The following IL23R variants were observed in gnomAD, a reference collection of about 807,000 sequenced individuals.
The protein encoded by IL23R is interleukin-23 receptor.
IL23R carries 34 observed loss-of-function variants against 56.9 expected under a neutral mutation model. The observed-to-expected ratio is 0.60, with a 90% CI of 0.45 to 0.80. IL23R has a LOEUF of 0.80. Among genes scored for constraint, IL23R ranks in the 30% least tolerant of loss-of-function variants. The pLI is 0.00. For synonymous variants in IL23R, 230 were observed against 249.2 expected (o/e 0.92, Z 0.73); for missense variants, 635 against 730.0 (o/e 0.87, Z 1.50).
intron 4 of IL23R, among the ~76,000 whole-genome samples, chr1:67,199,885 G>C (rs762348280): frequency 6.6e-6 from 1 of 152,024 alleles, no homozygotes; most frequent in Admixed American, 6.5e-5. Flanking sequence ...TAAAAAGTTA[G>C]CGTTTTTGTC....
In IL23R at chr1:67,228,096, TTC is replaced by T. The variant is rs1385409801; in HGVS notation, c.955+8368_955+8369del. On this transcript the variant is annotated intron_variant, in intron 7 of 10. Transcript: ENST00000347310. ...CTCTTTCTTTCTTTTCTTTCTTTCTTTCTTTCTTTCTCTCTCTTTCTTTCTTT... is the reference window on the plus strand; with the variant it reads ...CTCTTTCTTTCTTTTCTTTCTTTCTTTTTCTTTCTCTCTCTTTCTTTCTTT... 3.0e-5 allele frequency among the ~76,000 whole-genome samples: 2 copies of T among 66,010 alleles called. 1 individual carries two copies. The highest frequency in any genetic ancestry group is 6.3e-5 in the Non-Finnish European group (2 of 31,784). The allele number at this position is 66,010 out of a possible 152,430, so 43.3% of individuals were successfully genotyped here. A position where few individuals can be genotyped will look rare whatever the true frequency, so the allele number is the denominator to read the frequency against.
chr1:67,195,683 C>T (rs1343378437), intron 4 of IL23R, among the ~76,000 whole-genome samples: 1 of 152,122 alleles, frequency 6.6e-6, no homozygotes, highest in African/African-American at 2.4e-5. Context: ...AACCGAAAAA[C>T]CTGAGCTGAA....
At chr1:67,202,956 A>G (rs1414637136) in intron 5 of IL23R, among the ~76,000 whole-genome samples, 1 of 152,206 alleles carries the variant, frequency 6.6e-6, no homozygotes, top group Admixed American at 6.5e-5. Context: ...TTGGAGTTAC[A>G]GTTCTCTTGA....
chr1:67,192,907 C>T (rs530242527), intron 4 of IL23R, among the ~76,000 whole-genome samples: 44 of 152,280 alleles, frequency 2.9e-4, no homozygotes, highest in African/African-American at 1.1e-3. Context: ...TTTTCACATG[C>T]ACCTCAGGCC....
At chr1:67,203,467 T>G (rs1258840862) in intron 5 of IL23R, among the ~76,000 whole-genome samples, 1 of 152,026 alleles carries the variant, frequency 6.6e-6, no homozygotes, top group African/African-American at 2.4e-5. Context: ...TTCCTTCTTC[T>G]CCTTCTTTCT....
intron 3 of IL23R, among the ~76,000 whole-genome samples, chr1:67,177,406 T>G (rs1339051098): frequency 1.3e-5 from 2 of 152,232 alleles, no homozygotes. Context: ...GTTGGCTGCA[T>G]AAATGTCTTC....
At chr1:67,151,497 G>C (rs1646727702) in intron 1 of IL23R, among the ~76,000 whole-genome samples, 1 of 151,998 alleles carries the variant, frequency 6.6e-6, no homozygotes, top group Non-Finnish European at 1.5e-5. Context: ...CAATTGCTTT[G>C]GGTGTTTTCA....
intron 9 of IL23R, among the ~76,000 whole-genome samples, chr1:67,241,531 A>T (rs1651853283): frequency 6.6e-6 from 1 of 152,186 alleles, no homozygotes; most frequent in Non-Finnish European, 1.5e-5. Context: ...CACTTAGGTG[A>T]CAGTGTGACC....
chr1:67,161,993 A>G (rs1646825589), upstream of IL23R, among the ~76,000 whole-genome samples: 1 of 152,156 alleles, frequency 6.6e-6, no homozygotes. Flanking sequence ...TGAACATTTC[A>G]AAGACGAAAA....
chr1:67,172,043 C>T (rs1464191925), intron 3 of IL23R, among the ~76,000 whole-genome samples: 1 of 152,198 alleles, frequency 6.6e-6, no homozygotes, highest in African/African-American at 2.4e-5. Context: ...TGAATTGTAA[C>T]TCCTTACATA....
Position 67,259,257 on chromosome 1 carries a change from CAT to C in IL23R, c.*130_*131del, listed in dbSNP as rs764164402. On this transcript the variant is annotated 3_prime_UTR_variant, in exon 11 of 11. Transcript: ENST00000347310. ...TCACATACAAATCTTCACATGGACA[CAT>C]GTTTTCATTTCCCTTGGATAAATAC... 4.0e-4 allele frequency: 355 copies of C among 877,062 alleles called. No individual in the cohort carries two copies. Among genetic ancestry groups the C allele is most frequent in the Non-Finnish European group, 4.1e-4 (224 of 544,518 alleles). 54.3% of individuals were successfully genotyped at this position (877,062 alleles called of 1,614,324 possible).
chr1:67,205,933 C>CT (rs1553291089), intron 5 of IL23R, among the ~76,000 whole-genome samples: 3 of 137,890 alleles, frequency 2.2e-5, no homozygotes, highest in African/African-American at 7.9e-5. Flanking sequence ...CTTTTTCTTT[C>CT]TTTCTTTCTC....
intron 7 of IL23R, among the ~76,000 whole-genome samples, chr1:67,228,018 C>CT (rs1553295017): frequency 5.7e-5 from 4 of 69,838 alleles, no homozygotes; most frequent in African/African-American, 1.8e-4. Flanking sequence ...TTCTTTCTTT[C>CT]TTCCTTTCTT....
At chr1:67,258,408 C>T in intron 10 of IL23R, 70 bp from the exon 11 acceptor site, 1 of 1,199,706 alleles carries the variant, frequency 8.3e-7, no homozygotes, top group East Asian at 2.3e-5. Context: ...AAATTCCTAT[C>T]CTCATTCAAT....
intron 7 of IL23R, among the ~76,000 whole-genome samples, chr1:67,228,358 T>C (rs1219194190): frequency 3.3e-5 from 3 of 91,212 alleles, no homozygotes; most frequent in Non-Finnish European, 6.6e-5. Flanking sequence ...TAATTTTTTT[T>C]CTTCCTTTTT....
At chr1:67,195,771 G>C (rs1201345398) in intron 4 of IL23R, among the ~76,000 whole-genome samples, 6 of 152,144 alleles carry the variant, frequency 3.9e-5, no homozygotes, top group Non-Finnish European at 5.9e-5. Context: ...AGGTTGTCTT[G>C]TTCTGATAGT....
chr1:67,228,849 T>C (rs974345617), intron 7 of IL23R, among the ~76,000 whole-genome samples: 8 of 152,288 alleles, frequency 5.3e-5, no homozygotes, highest in African/African-American at 1.9e-4. Flanking sequence ...ATAAGAACTC[T>C]TGTGATTTTA....
intron 4 of IL23R, among the ~76,000 whole-genome samples, chr1:67,198,630 G>GTTT (rs1648364469): frequency 1.3e-5 from 2 of 151,762 alleles, no homozygotes; most frequent in African/African-American, 4.8e-5. Context: ...CTGTCATTAG[G>GTTT]TCCAGTCAGT....
At chr1:67,167,448 C>A (rs557597403) in intron 1 of IL23R, among the ~76,000 whole-genome samples, 5 of 152,206 alleles carry the variant, frequency 3.3e-5, no homozygotes. Flanking sequence ...AATTTTGAAT[C>A]CATTTTCTCT....
Sources: allele counts gnomAD v4.1 joint callset (sites outside exome capture counted in the v4.1 genomes callset), GRCh38; gene constraint gnomAD v4.1.1; transcripts MANE v1.5; gene names NCBI Gene and HGNC (gene_info 2026-07-23, HGNC 2026-07-21).